SPHK1: variants seen among roughly 807,000 people sequenced by gnomAD.
The protein encoded by SPHK1 is sphingosine kinase 1.
SPHK1 carries 10 observed loss-of-function variants against 14.6 expected under a neutral mutation model. That is an observed-to-expected ratio of 0.68 (90% CI 0.42 to 1.16). The LOEUF (loss-of-function observed/expected upper bound fraction) is 1.16, where lower values mean the gene tolerates loss of function less well. Among genes scored for constraint, SPHK1 ranks in the 50% most tolerant of loss-of-function variants. The pLI is 0.00. For missense variants in SPHK1, 553 were observed against 525.4 expected (o/e 1.05, Z -0.51); for synonymous variants, 274 against 224.0 (o/e 1.22, Z -1.99).
chr17:76,386,331 C>G lies in SPHK1; in HGVS notation c.258+16C>G. On this transcript the variant is annotated intron_variant, in intron 4 of 5. Transcript: ENST00000592299. This position sits in a 1 kb window ranked among gnomAD's most constrained non-coding sequence, Gnocchi z 5.3. ...GATGCACGAGGTGAGGACCGCACTG[C>G]GCGGCTAGGCCTGGGGCTTGGCGCG... The G allele has an allele frequency of 1.2e-6, 2 of 1,605,562 alleles. No individual in the cohort carries two copies. Among genetic ancestry groups the G allele is most frequent in the Non-Finnish European group, 1.7e-6 (2 of 1,177,490 alleles).
In SPHK1 at chr17:76,387,109, C is replaced by G; in HGVS notation, c.678C>G (p.Pro226=). The G allele has an allele frequency of 6.2e-7, 1 of 1,613,296 alleles. No individual in the cohort carries two copies. The highest frequency in any genetic ancestry group is 8.5e-7 in the Non-Finnish European group (1 of 1,180,036). Residue 226 remains proline (P), a synonymous_variant, in exon 6 of 6, where the codon CCC becomes CCG. Transcript: ENST00000592299. This position sits in a 1 kb window ranked among gnomAD's most constrained non-coding sequence, Gnocchi z 4.1. ...GRVGSKTPAS[P]VVVQQGPVDA... The stretch of plus-strand genomic sequence containing the variant: ...TGGGTTCCAAGACACCTGCCTCCCC[C>G]GTTGTGGTCCAGCAGGGCCCGGTAG...
chr17:76,384,775 G>T lies in SPHK1; in HGVS notation c.-226G>T, dbSNP rs557226083. The T allele has an allele frequency of 5.9e-3, 1,359 of 230,924 alleles. 12 individuals carry two copies. The highest frequency in any genetic ancestry group is 0.028 in the African/African-American group (1,226 of 43,816). The allele number at this position is 230,924 out of a possible 1,614,324, so 14.3% of individuals were successfully genotyped here. On this transcript the variant is annotated 5_prime_UTR_variant, in exon 1 of 6. Transcript: ENST00000592299. The stretch of plus-strand genomic sequence containing the variant: ...CCCCAGGCCACTGTAGGGAACGGCG[G>T]TGGCGCCTCCCCAGCAAACCGGACC...
At position 76,387,017 on chromosome 17, in the gene SPHK1, A is replaced by T; in HGVS notation, c.586A>T (p.Thr196Ser). 6.2e-7 allele frequency: 1 copy of T among 1,613,508 alleles called. No homozygotes were observed. Among genetic ancestry groups the T allele is most frequent in the Middle Eastern group, 1.6e-4 (1 of 6,062 alleles). ...GGGGGAGATGCGCTTCACTCTGGGCACCTTCCTGCGTCTGGCAGCCCTGCG... is the reference window on the plus strand; with the variant it reads ...GGGGGAGATGCGCTTCACTCTGGGCTCCTTCCTGCGTCTGGCAGCCCTGCG... The part of the protein sequence containing the change: ...RLGEMRFTLG[T>S]FLRLAALRTY... Residue 196 changes from threonine to serine, a missense_variant, in exon 6 of 6, where the codon ACC becomes TCC. Transcript: ENST00000592299. The surrounding 1 kb of genome is among the most constrained non-coding windows in gnomAD (Gnocchi z 4.1).
At chr17:76,383,578 TC>T (rs2071905434), upstream of SPHK1, 1 of 258,694 alleles carries the variant, frequency 3.9e-6, no homozygotes, top group Non-Finnish European at 7.9e-6. Flanking sequence ...CCCCGCAGCC[TC>T]CCGCAGGGGC....
rs750596373 is a variant in SPHK1 at position 76,386,908 on chromosome 17, G to T, written c.477G>T (p.Ser159=). The change falls in exon 6 of 6, where the codon TCG becomes TCT. Residue 159 remains serine, a synonymous_variant. Coordinates refer to ENST00000592299, the MANE Select transcript of SPHK1 (RefSeq NM_001142601.2). The surrounding 1 kb of genome is among the most constrained non-coding windows in gnomAD (Gnocchi z 5.3). Reference sequence around the variant, plus strand: ...ACCTGCTGTCTCTGCACACGGCTTCGGGGCTGCGCCTCTTCTCTGTGCTCA... The same window carrying T: ...ACCTGCTGTCTCTGCACACGGCTTCTGGGCTGCGCCTCTTCTCTGTGCTCA... ...PMNLLSLHTA[S]GLRLFSVLSL... is the part of the protein sequence containing the mutation. The T allele has an allele frequency of 6.2e-7, 1 of 1,612,438 alleles. No individual in the cohort carries two copies. Among genetic ancestry groups the T allele is most frequent in the Non-Finnish European group, 8.5e-7 (1 of 1,179,204 alleles).
chr17:76,386,824 T>A lies in SPHK1; in HGVS notation c.393T>A (p.Asn131Lys). ...CCTGCAGCTATGAGCAGGTCACCAA[T>A]GAAGACCTCCTGACCAACTGCACGC... ...NHYAGYEQVT[N>K]EDLLTNCTLL... The change falls in exon 6 of 6, where the codon AAT becomes AAA. Residue 131 changes from asparagine (N) to lysine (K), a missense_variant. Coordinates refer to ENST00000592299, the MANE Select transcript of SPHK1 (RefSeq NM_001142601.2). This position sits in a 1 kb window ranked among gnomAD's most constrained non-coding sequence, Gnocchi z 5.3. 6.4e-7 allele frequency: 1 copy of A among 1,557,464 alleles called. No individual in the cohort carries two copies. The highest frequency in any genetic ancestry group is 8.7e-7 in the Non-Finnish European group (1 of 1,149,410).
At position 76,386,041 on chromosome 17, in the gene SPHK1, C is replaced by G. The variant is rs764650072; in HGVS notation, c.67C>G (p.Pro23Ala). The G allele has an allele frequency of 6.2e-7, 1 of 1,608,020 alleles. No homozygotes were observed. The highest frequency in any genetic ancestry group is 8.5e-7 in the Non-Finnish European group (1 of 1,177,272). ...RPCRVLVLLN[P>A]RGGKGKALQL... is the part of the protein sequence containing the mutation. Reference sequence around the variant, plus strand: ...CTGCCGCGTGCTGGTGCTGCTGAACCCGCGCGGCGGCAAGGGCAAGGCCTT... The same window carrying G: ...CTGCCGCGTGCTGGTGCTGCTGAACGCGCGCGGCGGCAAGGGCAAGGCCTT... The change falls in exon 3 of 6, where the codon CCG (proline) becomes GCG (alanine). Residue 23 changes from proline (P) to alanine (A), a missense_variant. Coordinates refer to ENST00000592299, the MANE Select transcript of SPHK1 (RefSeq NM_001142601.2). This position sits in a 1 kb window ranked among gnomAD's most constrained non-coding sequence, Gnocchi z 5.3.
At position 76,387,173 on chromosome 17, in the gene SPHK1, C is replaced by T. The variant is rs927285614; in HGVS notation, c.742C>T (p.His248Tyr). 5.6e-6 allele frequency: 9 copies of T among 1,613,150 alleles called. No homozygotes were observed. The highest frequency in any genetic ancestry group is 1.3e-5 in the African/African-American group (1 of 74,914). Reference sequence around the variant, plus strand: ...GCCACTGGAGGAGCCAGTGCCCTCTCACTGGACAGTGGTGCCCGACGAGGA... The same window carrying T: ...GCCACTGGAGGAGCCAGTGCCCTCTTACTGGACAGTGGTGCCCGACGAGGA... ...LVPLEEPVPSHWTVVPDEDFV... is the reference protein window; with the variant it reads ...LVPLEEPVPSYWTVVPDEDFV... Residue 248 changes from histidine to tyrosine, a missense_variant, in exon 6 of 6, where the codon CAC becomes TAC. Physicochemically the swap from His to Tyr is moderately conservative, Grantham distance 83. Transcript: ENST00000592299. The surrounding 1 kb of genome is among the most constrained non-coding windows in gnomAD (Gnocchi z 4.1).
rs1316484200 is a variant in SPHK1 at position 76,387,508 on chromosome 17, C to G, written c.1077C>G (p.Phe359Leu). The G allele has an allele frequency of 2.5e-6, 4 of 1,612,680 alleles. No individual in the cohort carries two copies. Among genetic ancestry groups the G allele is most frequent in the Admixed American group, 1.7e-5 (1 of 59,988 alleles). ...AVQGQVHPNY[F>L]WMVSGCVEPP... is the part of the protein sequence containing the mutation. The stretch of plus-strand genomic sequence containing the variant: ...AGGGCCAGGTGCACCCAAACTACTT[C>G]TGGATGGTCAGCGGTTGCGTGGAGC... The change falls in exon 6 of 6, where the codon TTC becomes TTG. Residue 359 changes from phenylalanine (F) to leucine (L), a missense_variant. By Grantham distance (22) the Phe-to-Leu change is conservative. Transcript: ENST00000592299. The surrounding 1 kb of genome is among the most constrained non-coding windows in gnomAD (Gnocchi z 4.1).
In SPHK1 at chr17:76,386,478, C is replaced by T. The variant is rs1268400074; in HGVS notation, c.344C>T (p.Ala115Val). ...AGCCTCCCAGCAGGCTCTGGCAACG[C>T]GCTGGCAGCTTCCTTGAACCATTAT... is the stretch of plus-strand genomic sequence containing the variant. ...LCSLPAGSGN[A>V]LAASLNHYAG... Residue 115 changes from alanine (A) to valine (V), a missense_variant, in exon 5 of 6, where the codon GCG becomes GTG. Coordinates refer to ENST00000592299, the MANE Select transcript of SPHK1 (RefSeq NM_001142601.2). This position sits in a 1 kb window ranked among gnomAD's most constrained non-coding sequence, Gnocchi z 5.3. 6.2e-6 allele frequency: 10 copies of T among 1,612,722 alleles called. No homozygotes were observed. Among genetic ancestry groups the T allele is most frequent in the Non-Finnish European group, 8.5e-6 (10 of 1,179,948 alleles).
chr17:76,387,190 C>T lies in SPHK1; in HGVS notation c.759C>T (p.Pro253=), dbSNP rs143913460. ...TGCCCTCTCACTGGACAGTGGTGCC[C>T]GACGAGGACTTTGTGCTAGTCCTGG... ...EPVPSHWTVV[P]DEDFVLVLAL... The change falls in exon 6 of 6, where the codon CCC becomes CCT. Residue 253 remains proline (P), a synonymous_variant. Coordinates refer to ENST00000592299, the MANE Select transcript of SPHK1 (RefSeq NM_001142601.2). This position sits in a 1 kb window ranked among gnomAD's most constrained non-coding sequence, Gnocchi z 4.1. 25 of 1,612,986 alleles carry T rather than the reference C, an allele frequency of 1.5e-5. No individual in the cohort carries two copies. The highest frequency in any genetic ancestry group is 6.7e-5 in the African/African-American group (5 of 74,886).
chr17:76,385,299 C>T lies in SPHK1; in HGVS notation c.-194-152C>T, dbSNP rs2071945906. On this transcript the variant is annotated intron_variant, in intron 1 of 5. Coordinates refer to ENST00000592299, the MANE Select transcript of SPHK1 (RefSeq NM_001142601.2). This position sits in a 1 kb window ranked among gnomAD's most constrained non-coding sequence, Gnocchi z 5.3. ...CTCAGGGATTGTAGGCTTAGTCACACGGCGGGGGCGCCCTCGGAGGCACCG... is the reference window on the plus strand; with the variant it reads ...CTCAGGGATTGTAGGCTTAGTCACATGGCGGGGGCGCCCTCGGAGGCACCG... 2 of 1,464,664 alleles carry T rather than the reference C, an allele frequency of 1.4e-6. No homozygotes were observed. Among genetic ancestry groups the T allele is most frequent in the Admixed American group, 5.1e-5 (2 of 39,336 alleles). The allele number at this position is 1,464,664 out of a possible 1,614,324, so 90.7% of individuals were successfully genotyped here.
At position 76,385,937 on chromosome 17, in the gene SPHK1, C is replaced by G. The variant is rs1408229462; in HGVS notation, c.11-48C>G. On this transcript the variant is annotated intron_variant, in intron 2 of 5. Transcript: ENST00000592299. The surrounding 1 kb of genome is among the most constrained non-coding windows in gnomAD (Gnocchi z 5.3). ...TAGTGCCCCATTGTTACCCGTGGCCCCCTAGTGGTCGGTTGCGGACGTGGC... is the reference window on the plus strand; with the variant it reads ...TAGTGCCCCATTGTTACCCGTGGCCGCCTAGTGGTCGGTTGCGGACGTGGC... 6.4e-7 allele frequency: 1 copy of G among 1,558,708 alleles called. No homozygotes were observed. Among genetic ancestry groups the G allele is most frequent in the Non-Finnish European group, 8.7e-7 (1 of 1,149,564 alleles).
At chr17:76,383,977 G>A, upstream of SPHK1, 8 of 811,870 alleles carry the variant, frequency 9.9e-6, no homozygotes, top group Non-Finnish European at 1.3e-5. Flanking sequence ...CCTCAGGCTC[G>A]GTAGCCCAGC....
chr17:76,386,620 T>G lies in SPHK1; in HGVS notation c.374+112T>G. On this transcript the variant is annotated intron_variant, in intron 5 of 5. Coordinates refer to ENST00000592299, the MANE Select transcript of SPHK1 (RefSeq NM_001142601.2). The surrounding 1 kb of genome is among the most constrained non-coding windows in gnomAD (Gnocchi z 5.3). ...GATCATTTCCATTTCCCCTTCTCCC[T>G]TAGTCCTGGGGCCCTCTCCTGGTGA... 8.1e-7 allele frequency: 1 copy of G among 1,232,352 alleles called. No individual in the cohort carries two copies. The highest frequency in any genetic ancestry group is 1.5e-5 in the South Asian group (1 of 68,700). The allele number at this position is 1,232,352 out of a possible 1,614,324, so 76.3% of individuals were successfully genotyped here. A position where few individuals can be genotyped will look rare whatever the true frequency, so the allele number is the denominator to read the frequency against.
chr17:76,386,963 G>T lies in SPHK1; in HGVS notation c.532G>T (p.Asp178Tyr). Residue 178 changes from aspartate to tyrosine, a missense_variant, in exon 6 of 6, where the codon GAC (aspartate) becomes TAC (tyrosine). By Grantham distance (160) the Asp-to-Tyr change is radical. Transcript: ENST00000592299. This position sits in a 1 kb window ranked among gnomAD's most constrained non-coding sequence, Gnocchi z 5.3. Reference sequence around the variant, plus strand: ...GGCCTGGGGCTTCATTGCTGATGTGGACCTAGAGAGTGAGAAGTATCGGCG... The same window carrying T: ...GGCCTGGGGCTTCATTGCTGATGTGTACCTAGAGAGTGAGAAGTATCGGCG... ...SLAWGFIADVDLESEKYRRLG... is the reference protein window; with the variant it reads ...SLAWGFIADVYLESEKYRRLG... 1 of 1,613,644 alleles carries T rather than the reference G, an allele frequency of 6.2e-7. No homozygotes were observed. Among genetic ancestry groups the T allele is most frequent in the East Asian group, 2.2e-5 (1 of 44,858 alleles).
In SPHK1 at chr17:76,387,382, C is replaced by T. The variant is rs1281321650; in HGVS notation, c.951C>T (p.Pro317=). ...GCAGGCATATGGAGTATGAATGCCC[C>T]TACTTGGTATATGTGCCCGTGGTCG... ...EKGRHMEYEC[P]YLVYVPVVAF... Residue 317 remains proline (P), a synonymous_variant, in exon 6 of 6, where the codon CCC becomes CCT. Transcript: ENST00000592299. This position sits in a 1 kb window ranked among gnomAD's most constrained non-coding sequence, Gnocchi z 4.1. The T allele has an allele frequency of 6.2e-7, 1 of 1,613,932 alleles. No homozygotes were observed. The highest frequency in any genetic ancestry group is 2.2e-5 in the East Asian group (1 of 44,876).
At position 76,386,338 on chromosome 17, in the gene SPHK1, A is replaced by AGGCCTGGGGCTT. The variant is rs761063946; in HGVS notation, c.258+27_258+38dup. ...GAGGTGAGGACCGCACTGCGCGGCT[A>AGGCCTGGGGCTT]GGCCTGGGGCTTGGCGCGGTGCGTC... On this transcript the variant is annotated intron_variant, in intron 4 of 5. Transcript: ENST00000592299. The surrounding 1 kb of genome is among the most constrained non-coding windows in gnomAD (Gnocchi z 5.3). The AGGCCTGGGGCTT allele has an allele frequency of 1.2e-6, 2 of 1,606,118 alleles. No individual in the cohort carries two copies. Among genetic ancestry groups the AGGCCTGGGGCTT allele is most frequent in the East Asian group, 4.5e-5 (2 of 44,704 alleles).
Position 76,386,045 on chromosome 17 carries a change from G to T in SPHK1, c.71G>T (p.Arg24Leu). ...PCRVLVLLNPRGGKGKALQLF... is the reference protein window; with the variant it reads ...PCRVLVLLNPLGGKGKALQLF... ...CGCGTGCTGGTGCTGCTGAACCCGCGCGGCGGCAAGGGCAAGGCCTTGCAG... is the reference window on the plus strand; with the variant it reads ...CGCGTGCTGGTGCTGCTGAACCCGCTCGGCGGCAAGGGCAAGGCCTTGCAG... The change falls in exon 3 of 6, where the codon CGC (arginine) becomes CTC (leucine). Residue 24 changes from arginine to leucine, a missense_variant. Arg to Leu is a moderately radical substitution (Grantham distance 102). Transcript: ENST00000592299. The surrounding 1 kb of genome is among the most constrained non-coding windows in gnomAD (Gnocchi z 5.3). 4.4e-6 allele frequency: 7 copies of T among 1,608,288 alleles called. No homozygotes were observed. Among genetic ancestry groups the T allele is most frequent in the Non-Finnish European group, 5.9e-6 (7 of 1,177,460 alleles).
Sources: gnomAD v4.1 joint callset for allele counts on GRCh38, gnomAD v4.1.1 for gene constraint, Gnocchi (gnomAD v3.1) non-coding constraint, MANE v1.5 for transcripts, NCBI Gene and HGNC (gene_info 2026-07-23, HGNC 2026-07-21) for gene names.